The following ABTB3 variants were observed in gnomAD, a reference collection of about 807,000 sequenced individuals.
The protein encoded by ABTB3 is ankyrin repeat- and BTB/POZ domain-containing protein 3.
the ABTB3 span, among the ~76,000 whole-genome samples, chr12:107,466,668 G>A: frequency 6.6e-6 from 1 of 151,998 alleles, no homozygotes; most frequent in Non-Finnish European, 1.5e-5. Context: ...CTTCTGCATG[G>A]GGTTGATGCC....
At chr12:107,546,965 G>A in the ABTB3 span, among the ~76,000 whole-genome samples, 9 of 151,742 alleles carry the variant, frequency 5.9e-5, no homozygotes, top group Non-Finnish European at 8.8e-5. Flanking sequence ...AGGCCAAGGC[G>A]GGTGGATGAC....
the ABTB3 span, among the ~76,000 whole-genome samples, chr12:107,485,891 G>T: frequency 6.6e-6 from 1 of 152,168 alleles, no homozygotes; most frequent in Non-Finnish European, 1.5e-5. Context: ...AGATTTTTCT[G>T]ATTCCAAGTT....
the ABTB3 span, among the ~76,000 whole-genome samples, chr12:107,360,665 T>C: frequency 9.0e-3 from 1,375 of 152,306 alleles, 18 homozygotes; most frequent in African/African-American, 0.031. Flanking sequence ...AATGGCTCTG[T>C]TTCCAAAGGG....
the ABTB3 span, among the ~76,000 whole-genome samples, chr12:107,632,257 G>A: frequency 3.9e-5 from 6 of 152,230 alleles, no homozygotes; most frequent in African/African-American, 1.2e-4. Context: ...TCGCAAAAGA[G>A]TCTACAGACT....
chr12:107,643,769 T>C, the ABTB3 span, among the ~76,000 whole-genome samples: 1 of 144,304 alleles, frequency 6.9e-6, no homozygotes, highest in Non-Finnish European at 1.5e-5. Context: ...TTTTTTTTTT[T>C]TGTTGAGAGA....
At chr12:107,419,690 G>C in the ABTB3 span, among the ~76,000 whole-genome samples, 3 of 152,158 alleles carry the variant, frequency 2.0e-5, no homozygotes, top group African/African-American at 7.2e-5. Flanking sequence ...TATTAGGATG[G>C]AATGAGTTAA....
the ABTB3 span, among the ~76,000 whole-genome samples, chr12:107,415,132 A>G: frequency 6.6e-6 from 1 of 151,986 alleles, no homozygotes; most frequent in East Asian, 1.9e-4. Flanking sequence ...TATCATGCTC[A>G]TCCTCCTGTT....
At chr12:107,540,000 G>A in the ABTB3 span, among the ~76,000 whole-genome samples, 6 of 152,306 alleles carry the variant, frequency 3.9e-5, no homozygotes, top group African/African-American at 9.6e-5. Context: ...TTCCAGCTGT[G>A]GGAAATGGAG....
chr12:107,493,088 A>G, the ABTB3 span, among the ~76,000 whole-genome samples: 39 of 152,242 alleles, frequency 2.6e-4, no homozygotes, highest in Admixed American at 2.2e-3. Context: ...AAAAGAAAAA[A>G]AAAAAAAGTC....
At chr12:107,586,399 C>T in the ABTB3 span, among the ~76,000 whole-genome samples, 321 of 152,280 alleles carry the variant, frequency 2.1e-3, no homozygotes, top group Admixed American at 3.5e-3. Context: ...TCCCCAGCCT[C>T]TCACAGAGTC....
chr12:107,584,554 A>G, the ABTB3 span, among the ~76,000 whole-genome samples: 1 of 152,246 alleles, frequency 6.6e-6, no homozygotes. Context: ...TTCTAAATAA[A>G]CAGCCCTAGA....
chr12:107,606,767 A>G, the ABTB3 span, among the ~76,000 whole-genome samples: 70 of 152,314 alleles, frequency 4.6e-4, no homozygotes, highest in East Asian at 0.012. Context: ...ATGTGAGAAG[A>G]AAGATTTTCT....
At chr12:107,577,219 C>G in the ABTB3 span, among the ~76,000 whole-genome samples, 1 of 152,188 alleles carries the variant, frequency 6.6e-6, no homozygotes, top group African/African-American at 2.4e-5. Context: ...ACTAGTTAGC[C>G]TTTTACAGAA....
At chr12:107,382,942 G>T in the ABTB3 span, among the ~76,000 whole-genome samples, 1 of 152,172 alleles carries the variant, frequency 6.6e-6, no homozygotes, top group African/African-American at 2.4e-5. Flanking sequence ...CGTAGCTGCT[G>T]CCTGGACTCA....
chr12:107,532,172 T>A, the ABTB3 span, among the ~76,000 whole-genome samples: 1 of 152,266 alleles, frequency 6.6e-6, no homozygotes, highest in Non-Finnish European at 1.5e-5. Flanking sequence ...AGCCTGAGGA[T>A]CAGCTCACCC....
chr12:107,384,638 T>A, the ABTB3 span, among the ~76,000 whole-genome samples: 1 of 152,174 alleles, frequency 6.6e-6, no homozygotes, highest in Non-Finnish European at 1.5e-5. Flanking sequence ...GTACATCCCC[T>A]GGGAATAGCT....
the ABTB3 span, among the ~76,000 whole-genome samples, chr12:107,636,055 C>T: frequency 6.6e-6 from 1 of 152,176 alleles, no homozygotes; most frequent in Non-Finnish European, 1.5e-5. Context: ...CAGGCCACCC[C>T]AAGAGGCAGG....
At chr12:107,573,500 GGATGGATGGATA>G in the ABTB3 span, among the ~76,000 whole-genome samples, 1 of 152,120 alleles carries the variant, frequency 6.6e-6, no homozygotes, top group South Asian at 2.1e-4. Flanking sequence ...ATGGATGGAT[GGATGGATGGATA>G]GATGGAACAG....
the ABTB3 span, chr12:107,319,356 C>T: frequency 6.4e-7 from 1 of 1,559,914 alleles, no homozygotes; most frequent in South Asian, 1.2e-5. Flanking sequence ...GTGAGCCGGG[C>T]GCTGGTGCGC....
Sources: allele counts gnomAD v4.1 joint callset (sites outside exome capture counted in the v4.1 genomes callset), GRCh38; gene constraint gnomAD v4.1.1; transcripts MANE v1.5; gene names NCBI Gene and HGNC (gene_info 2026-07-23, HGNC 2026-07-21).